Variants in RBFOX1 observed in about 807,000 individuals in gnomAD.
The protein encoded by RBFOX1 is RNA binding protein fox-1 homolog 1.
A neutral mutation model predicts 57.7 loss-of-function variants in RBFOX1; 8 were observed. The ratio of observed to expected loss-of-function variants is 0.14; its 90% CI spans 0.08 to 0.25. The LOEUF (loss-of-function observed/expected upper bound fraction) is 0.25. Among genes scored for constraint, RBFOX1 ranks in the 10% least tolerant of loss-of-function variants. The pLI is 1.00. For missense variants in RBFOX1, 611 were observed against 548.5 expected (o/e 1.11, Z -1.14); for synonymous variants, 326 against 222.4 (o/e 1.47, Z -4.15).
intron 4 of RBFOX1, among the ~76,000 whole-genome samples, chr16:5,892,627 C>A (rs182853586): frequency 6.6e-6 from 1 of 152,132 alleles, no homozygotes; most frequent in Non-Finnish European, 1.5e-5. Context: ...GAATGCATCG[C>A]GGAATCTTGT....
intron 2 of RBFOX1, among the ~76,000 whole-genome samples, chr16:6,495,765 T>C (rs2095752822): frequency 6.6e-6 from 1 of 152,194 alleles, no homozygotes; most frequent in African/African-American, 2.4e-5. Context: ...TTCTGCTTTT[T>C]TGGTGTGGCC....
rs148575707 is a variant in RBFOX1, at chr16:6,134,640, G to A, written c.-127+114648G>A. On this transcript the variant is annotated intron_variant, in intron 1 of 15. Coordinates refer to ENST00000550418, the MANE Select transcript of RBFOX1 (RefSeq NM_018723.4). ...GAAGGAGACTAACCGTGAACTGTCA[G>A]TGCCCCCTGTGGCCCAGCAATCTTT... is the stretch of plus-strand genomic sequence containing the variant. Among the ~76,000 whole-genome samples, 101 of 152,072 alleles carry A rather than the reference G, an allele frequency of 6.6e-4. 1 individual carries two copies. The Middle Eastern group carries it at 0.014, about 20-fold the overall frequency.
chr16:6,595,238 A>G (rs779306101), intron 2 of RBFOX1, among the ~76,000 whole-genome samples: 1 of 152,186 alleles, frequency 6.6e-6, no homozygotes, highest in African/African-American at 2.4e-5. Context: ...CTGTAGCCCT[A>G]CACAGCCAGC....
At chr16:7,037,807 C>T (rs528437797) in intron 3 of RBFOX1, among the ~76,000 whole-genome samples, 179 of 152,238 alleles carry the variant, frequency 1.2e-3, no homozygotes, top group African/African-American at 4.2e-3. Context: ...TTCTCTGAAC[C>T]ACTGCATTTT....
chr16:5,259,475 C>A (rs1259875234), intron 1 of RBFOX1, among the ~76,000 whole-genome samples: 1 of 152,134 alleles, frequency 6.6e-6, no homozygotes, highest in African/African-American at 2.4e-5. Flanking sequence ...CTTGTATTGT[C>A]ATCACTTGCA....
At chr16:7,580,695 T>C (rs1177399892) in intron 6 of RBFOX1, among the ~76,000 whole-genome samples, 1 of 152,176 alleles carries the variant, frequency 6.6e-6, no homozygotes, top group Admixed American at 6.5e-5. Context: ...CTCGAAGATA[T>C]CTTCACTATC....
At chr16:7,518,457 G>T in intron 5 of RBFOX1, 68 bp downstream of exon 5, 1 of 1,533,134 alleles carries the variant, frequency 6.5e-7, no homozygotes, top group Middle Eastern at 1.7e-4. Context: ...TAATGGCAGC[G>T]GGGGTGCACC....
intron 2 of RBFOX1, among the ~76,000 whole-genome samples, chr16:5,580,344 G>GT (rs2046622986): frequency 6.6e-6 from 1 of 152,210 alleles, no homozygotes; most frequent in Non-Finnish European, 1.5e-5. Context: ...TGAGCTTGTG[G>GT]GAAAACATCC....
intron 3 of RBFOX1, among the ~76,000 whole-genome samples, chr16:5,751,085 T>C (rs2053181917): frequency 6.6e-6 from 1 of 152,164 alleles, no homozygotes; most frequent in Non-Finnish European, 1.5e-5. Flanking sequence ...TGAAGAGATC[T>C]GCCCACCTCG....
chr16:5,392,711 A>G (rs911056198), intron 1 of RBFOX1, among the ~76,000 whole-genome samples: 2 of 152,038 alleles, frequency 1.3e-5, no homozygotes, highest in African/African-American at 2.4e-5. Context: ...CCTTTGGGAA[A>G]GAAACAAATG....
At chr16:6,876,904 G>T (rs1199487264) in intron 3 of RBFOX1, among the ~76,000 whole-genome samples, 1 of 152,148 alleles carries the variant, frequency 6.6e-6, no homozygotes, top group Non-Finnish European at 1.5e-5. Flanking sequence ...AGCCCACCAA[G>T]TACTGGGTAC....
chr16:7,240,471 TGAA>T (rs2093998659), intron 4 of RBFOX1, among the ~76,000 whole-genome samples: 1 of 152,186 alleles, frequency 6.6e-6, no homozygotes, highest in Non-Finnish European at 1.5e-5. Context: ...ATGTTAAAGA[TGAA>T]GGAGGAGTAT....
intron 4 of RBFOX1, among the ~76,000 whole-genome samples, chr16:5,948,691 C>T (rs1354634459): frequency 6.6e-6 from 1 of 152,134 alleles, no homozygotes; most frequent in Non-Finnish European, 1.5e-5. Context: ...GGAGGGACGC[C>T]TGATGTTCCC....
intron 1 of RBFOX1, among the ~76,000 whole-genome samples, chr16:5,265,000 CTCTG>C (rs2062823682): frequency 6.6e-6 from 1 of 151,782 alleles, no homozygotes; most frequent in Non-Finnish European, 1.5e-5. Flanking sequence ...GGTGGAATTT[CTCTG>C]TGTGTGTGTG....
chr16:5,995,456 G>T (rs969983180), intron 4 of RBFOX1, among the ~76,000 whole-genome samples: 1 of 152,064 alleles, frequency 6.6e-6, no homozygotes, highest in African/African-American at 2.4e-5. Flanking sequence ...TTTTGAAGAG[G>T]AATTTAGAGA....
chr16:6,200,390 G>C (rs1047642017), intron 1 of RBFOX1, among the ~76,000 whole-genome samples: 3 of 152,090 alleles, frequency 2.0e-5, no homozygotes, highest in African/African-American at 7.2e-5. Context: ...GAGTGAGAGA[G>C]AGAGAGAGAG....
At chr16:6,077,223 G>A (rs2095916386) in intron 1 of RBFOX1, among the ~76,000 whole-genome samples, 1 of 152,092 alleles carries the variant, frequency 6.6e-6, no homozygotes, top group South Asian at 2.1e-4. Context: ...GTTCTCTGCT[G>A]ACATTTCAGA....
intron 4 of RBFOX1, among the ~76,000 whole-genome samples, chr16:7,337,363 T>C (rs1034040941): frequency 6.6e-6 from 1 of 152,178 alleles, no homozygotes; most frequent in African/African-American, 2.4e-5. Flanking sequence ...AGTTGGGCTG[T>C]GAAGCATTAG....
At position 6,416,073 on chromosome 16, in the gene RBFOX1, G is replaced by T. The variant is rs192386516; in HGVS notation, c.-64+99016G>T. ...GCCAAATATTGGGCCATTAGCAAGC[G>T]GTAATTCACCTGCATGAATATTTAT... is the stretch of plus-strand genomic sequence containing the variant. On this transcript the variant is annotated intron_variant, in intron 2 of 15. Coordinates refer to ENST00000550418, the MANE Select transcript of RBFOX1 (RefSeq NM_018723.4). Among the ~76,000 whole-genome samples the T allele has an allele frequency of 8.5e-5, 13 of 152,298 alleles. No individual in the cohort carries two copies. In the East Asian group the frequency reaches 2.5e-3, roughly 29 times the overall value.
Sources: gnomAD v4.1 joint callset for allele counts (sites outside exome capture counted in the v4.1 genomes callset) on GRCh38, gnomAD v4.1.1 for gene constraint, MANE v1.5 for transcripts, NCBI Gene and HGNC (gene_info 2026-07-23, HGNC 2026-07-21) for gene names.